Variants in FRMD4B observed in about 807,000 individuals in gnomAD.
The protein encoded by FRMD4B is FERM domain containing 4B, also known as FERM domain-containing protein 4B.
FRMD4B carries 74 observed loss-of-function variants against 141.5 expected under a neutral mutation model. The ratio of observed to expected loss-of-function variants is 0.52; its 90% CI spans 0.43 to 0.63. The LOEUF is 0.63. Ranked by LOEUF, FRMD4B falls within the 30% of genes least tolerant of loss-of-function variation. FRMD4B has a pLI of 0.00. For synonymous variants in FRMD4B, 506 were observed against 467.9 expected, an observed-to-expected ratio of 1.08 and a Z score of -1.05; for missense variants, 1,366 against 1,253.4, an observed-to-expected ratio of 1.09 and a Z score of -1.36.
At chr3:69,225,747 C>T (rs754156731) in intron 7 of FRMD4B, among the ~76,000 whole-genome samples, 1 of 131,938 alleles carries the variant, frequency 7.6e-6, no homozygotes, top group Non-Finnish European at 1.6e-5. Flanking sequence ...ACACGTAATA[C>T]TACCCAGTCA....
intron 2 of FRMD4B, among the ~76,000 whole-genome samples, chr3:69,412,804 A>G (rs999362319): frequency 1.3e-5 from 2 of 148,678 alleles, no homozygotes; most frequent in African/African-American, 5.0e-5. Context: ...ATGGGCAGTC[A>G]GAGGAGACCT....
At chr3:69,207,523 T>C (rs1054294171) in intron 11 of FRMD4B, among the ~76,000 whole-genome samples, 6 of 151,762 alleles carry the variant, frequency 4.0e-5, no homozygotes, top group Admixed American at 2.0e-4. Context: ...GAAAAAACAA[T>C]GGACAGTCAG....
chr3:69,262,984 C>T (rs918312199), intron 5 of FRMD4B, among the ~76,000 whole-genome samples: 3 of 152,084 alleles, frequency 2.0e-5, no homozygotes, highest in African/African-American at 7.2e-5. Flanking sequence ...GTAGGCTGGG[C>T]ACGGTGGCTC....
At chr3:69,441,597 T>C (rs1705345172) in intron 1 of FRMD4B, among the ~76,000 whole-genome samples, 1 of 152,216 alleles carries the variant, frequency 6.6e-6, no homozygotes, top group South Asian at 2.1e-4. Flanking sequence ...CGATATACTA[T>C]AAGCTCCACA....
intron 1 of FRMD4B, among the ~76,000 whole-genome samples, chr3:69,356,026 C>G (rs925543309): frequency 3.6e-4 from 11 of 30,454 alleles, no homozygotes; most frequent in African/African-American, 1.4e-3. Flanking sequence ...AAGATTCCAT[C>G]TCAAAAAAGA....
At chr3:69,538,268 G>A (rs571132128) in intron 1 of FRMD4B, among the ~76,000 whole-genome samples, 130 of 152,138 alleles carry the variant, frequency 8.5e-4, no homozygotes, top group Non-Finnish European at 1.6e-3. Context: ...CAGTCCTACC[G>A]AAGTACCTTT....
rs901396972 is a variant in FRMD4B, at chr3:69,441,746, T to C, written c.-128-8985A>G. Reference sequence around the variant, plus strand: ...ATGAACTCACGTGGATCTCCCCTAATGCCCCTGGTTGCTCCTCCTGTGTCC... The same window carrying C: ...ATGAACTCACGTGGATCTCCCCTAACGCCCCTGGTTGCTCCTCCTGTGTCC... On this transcript the variant is annotated intron_variant, in intron 1 of 5. Transcript: ENST00000459638. 3.3e-5 allele frequency among the ~76,000 whole-genome samples: 5 copies of C among 152,300 alleles called. No homozygotes were observed. The East Asian group carries it at 7.7e-4, about 24-fold the overall frequency.
intron 1 of FRMD4B, among the ~76,000 whole-genome samples, chr3:69,452,996 G>C (rs936947728): frequency 1.3e-5 from 2 of 152,222 alleles, no homozygotes; most frequent in African/African-American, 4.8e-5. Context: ...TCAAAATCCA[G>C]TGTGTGCTTT....
intron 1 of FRMD4B, among the ~76,000 whole-genome samples, chr3:69,438,021 C>G (rs913710256): frequency 7.6e-6 from 1 of 132,214 alleles, no homozygotes; most frequent in African/African-American, 2.9e-5. Flanking sequence ...ATATATACTA[C>G]TATATTATAT....
chr3:69,495,061 T>A (rs1706362421), intron 1 of FRMD4B, among the ~76,000 whole-genome samples: 1 of 152,002 alleles, frequency 6.6e-6, no homozygotes, highest in Non-Finnish European at 1.5e-5. Flanking sequence ...ATTCTAAAAT[T>A]CCAGAAGTGG....
intron 1 of FRMD4B, among the ~76,000 whole-genome samples, chr3:69,462,095 T>C (rs1436300017): frequency 6.6e-6 from 1 of 152,166 alleles, no homozygotes; most frequent in East Asian, 1.9e-4. Flanking sequence ...GAGGATTTTT[T>C]CTGGGAAATA....
In FRMD4B at chr3:69,196,944, C is replaced by T. The variant is rs527272194; in HGVS notation, c.1048G>A (p.Ala350Thr). ...SSLIKSIWVM[A>T]ISQHQFYLDR... Reference sequence around the variant, plus strand: ...AAGTAAAACTGATGCTGACTAATTGCCATTACCCAAATGGACTTGATGAGA... The same window carrying T: ...AAGTAAAACTGATGCTGACTAATTGTCATTACCCAAATGGACTTGATGAGA... The change falls in exon 13 of 23, where the codon GCA becomes ACA. Residue 350 changes from alanine to threonine, a missense_variant. Transcript: ENST00000398540. 16 of 1,611,174 alleles carry T rather than the reference C, an allele frequency of 9.9e-6. 1 individual carries two copies. In the African/African-American group the frequency reaches 1.7e-4, roughly 17 times the overall value.
At chr3:69,465,531 C>G (rs994068123) in intron 1 of FRMD4B, among the ~76,000 whole-genome samples, 2 of 151,938 alleles carry the variant, frequency 1.3e-5, no homozygotes, top group Non-Finnish European at 2.9e-5. Context: ...CTAATGCTAT[C>G]CCTCCCCCAG....
intron 2 of FRMD4B, among the ~76,000 whole-genome samples, chr3:69,403,280 T>C (rs1214190213): frequency 6.6e-6 from 1 of 152,218 alleles, no homozygotes; most frequent in Admixed American, 6.5e-5. Flanking sequence ...CATTGACTTA[T>C]GGGGTTTCAC....
intron 1 of FRMD4B, chr3:69,535,630 G>C: frequency 5.0e-6 from 1 of 199,382 alleles, no homozygotes; most frequent in Non-Finnish European, 1.0e-5. Context: ...CAGGGCAGTG[G>C]CTCGGTCTCT....
At chr3:69,344,737 A>G (rs1226572122) in intron 1 of FRMD4B, among the ~76,000 whole-genome samples, 1 of 152,224 alleles carries the variant, frequency 6.6e-6, no homozygotes, top group Non-Finnish European at 1.5e-5. Flanking sequence ...GAAAACCTGA[A>G]TCTAGAAACA....
rs183397514 is a variant in FRMD4B, at chr3:69,449,731, G to C, written c.-128-16970C>G. Among the ~76,000 whole-genome samples, 241 of 152,026 alleles carry C rather than the reference G, an allele frequency of 1.6e-3. 1 individual carries two copies. Among genetic ancestry groups the C allele is most frequent in the Middle Eastern group, 3.4e-3 (1 of 294 alleles). ...CTTGTGATTTTTTTTTTCCCCTAAGGCTTTTGTTTTGTTTTGTTTTCAATG... is the reference window on the plus strand; with the variant it reads ...CTTGTGATTTTTTTTTTCCCCTAAGCCTTTTGTTTTGTTTTGTTTTCAATG... On this transcript the variant is annotated intron_variant, in intron 1 of 5. Transcript: ENST00000459638.
chr3:69,372,079 A>G (rs1703841457), intron 1 of FRMD4B, among the ~76,000 whole-genome samples: 1 of 152,110 alleles, frequency 6.6e-6, no homozygotes, highest in African/African-American at 2.4e-5. Flanking sequence ...CCATTCCTAC[A>G]ACATCCTAAG....
intron 1 of FRMD4B, among the ~76,000 whole-genome samples, chr3:69,474,038 T>C (rs553849754): frequency 7.2e-5 from 11 of 152,300 alleles, no homozygotes; most frequent in Admixed American, 6.5e-4. Context: ...CCTACCGTCA[T>C]CCAAGTTCTC....
Sources: allele counts gnomAD v4.1 joint callset (sites outside exome capture counted in the v4.1 genomes callset), GRCh38; gene constraint gnomAD v4.1.1; transcripts MANE v1.5; gene names NCBI Gene and HGNC (gene_info 2026-07-23, HGNC 2026-07-21).